The following ITGA8 variants were observed in gnomAD, a reference collection of about 807,000 sequenced individuals.
ITGA8 encodes the protein integrin alpha-8.
ITGA8 carries 91 observed loss-of-function variants against 142.3 expected under a neutral mutation model. That is an observed-to-expected ratio of 0.64 (90% CI 0.54 to 0.76). The LOEUF is 0.76. Among genes scored for constraint, ITGA8 ranks in the 30% least tolerant of loss-of-function variants. ITGA8 has a pLI of 0.00. For missense variants in ITGA8, 1,406 were observed against 1,327.7 expected (o/e 1.06, Z -0.92); for synonymous variants, 505 against 485.2 (o/e 1.04, Z -0.54).
At chr10:15,582,310 T>C (rs1341950534) in intron 23 of ITGA8, among the ~76,000 whole-genome samples, 1 of 152,196 alleles carries the variant, frequency 6.6e-6, no homozygotes, top group African/African-American at 2.4e-5. Flanking sequence ...CTTATAATTA[T>C]AGATCCAAGT....
chr10:15,535,016 G>A (rs1031865542), intron 27 of ITGA8, among the ~76,000 whole-genome samples: 2 of 152,204 alleles, frequency 1.3e-5, no homozygotes, highest in Non-Finnish European at 2.9e-5. Flanking sequence ...GGCTGCGTGC[G>A]GTGCTTGCGG....
At chr10:15,704,840 T>C (rs938478196) in intron 2 of ITGA8, among the ~76,000 whole-genome samples, 5 of 152,240 alleles carry the variant, frequency 3.3e-5, no homozygotes, top group African/African-American at 1.2e-4. Context: ...CGATGAAGGC[T>C]GTATAAATTT....
intron 12 of ITGA8, 39 bp downstream of exon 12, chr10:15,646,807 A>G (rs973313150): frequency 1.7e-5 from 25 of 1,501,696 alleles, no homozygotes; most frequent in Non-Finnish European, 2.3e-5. Flanking sequence ...TGCAGTGGTG[A>G]CGACACATAA....
chr10:15,539,906 T>A (rs2131550609), intron 27 of ITGA8, among the ~76,000 whole-genome samples: 1 of 152,232 alleles, frequency 6.6e-6, no homozygotes, highest in Non-Finnish European at 1.5e-5. Context: ...CACAGGGTGA[T>A]TTCTCCCCTA....
In ITGA8 at chr10:15,684,082, C is replaced by T. The variant is rs368735214; in HGVS notation, c.490G>A (p.Glu164Lys). 1.6e-5 allele frequency: 26 copies of T among 1,614,114 alleles called. No homozygotes were observed. Among genetic ancestry groups the T allele is most frequent in the Middle Eastern group, 1.6e-4 (1 of 6,062 alleles). ...TAGCAGGTGCCAACTGGGTCCTTTTCTGGTGTCGGTTTAAGAGTTCTCCAG... is the reference window on the plus strand; with the variant it reads ...TAGCAGGTGCCAACTGGGTCCTTTTTTGGTGTCGGTTTAAGAGTTCTCCAG... The part of the protein sequence containing the change: ...YHWRTLKPTP[E>K]KDPVGTCYVA... The change falls in exon 4 of 30, where the codon GAA becomes AAA. Residue 164 changes from glutamate to lysine, a missense_variant. Glu to Lys is a moderately conservative substitution (Grantham distance 56). Coordinates refer to ENST00000378076, the MANE Select transcript of ITGA8 (RefSeq NM_003638.3).
At chr10:15,637,899 G>A (rs530433805) in intron 13 of ITGA8, among the ~76,000 whole-genome samples, 1 of 151,656 alleles carries the variant, frequency 6.6e-6, no homozygotes, top group South Asian at 2.1e-4. Flanking sequence ...TACATATATA[G>A]TACATATAAA....
At chr10:15,657,956 C>T (rs890063805) in intron 10 of ITGA8, among the ~76,000 whole-genome samples, 2 of 152,102 alleles carry the variant, frequency 1.3e-5, no homozygotes, top group African/African-American at 2.4e-5. Flanking sequence ...CATAAGCACA[C>T]GTATTCGCAT....
chr10:15,536,102 T>C (rs1468774181), intron 27 of ITGA8, among the ~76,000 whole-genome samples: 3 of 152,126 alleles, frequency 2.0e-5, no homozygotes, highest in South Asian at 2.1e-4. Flanking sequence ...CTGGACACGC[T>C]GCCTTTAAGA....
At chr10:15,648,220 C>T (rs551437858) in intron 11 of ITGA8, among the ~76,000 whole-genome samples, 9 of 152,070 alleles carry the variant, frequency 5.9e-5, no homozygotes, top group Non-Finnish European at 1.0e-4. Flanking sequence ...AAATTAATGG[C>T]CTCTATTAAA....
At chr10:15,668,483 T>A (rs2131681315) in intron 8 of ITGA8, among the ~76,000 whole-genome samples, 1 of 150,690 alleles carries the variant, frequency 6.6e-6, no homozygotes, top group Non-Finnish European at 1.5e-5. Context: ...GATTTGCCAG[T>A]CTGTGTCTTT....
intron 2 of ITGA8, among the ~76,000 whole-genome samples, chr10:15,699,169 A>G (rs940970630): frequency 6.6e-6 from 1 of 152,206 alleles, no homozygotes; most frequent in Non-Finnish European, 1.5e-5. Context: ...CTGTAGTCTC[A>G]GCTACTCAGG....
chr10:15,572,159 TC>T (rs1405376802), intron 25 of ITGA8, 51 bp downstream of exon 25: 4 of 1,447,084 alleles, frequency 2.8e-6, no homozygotes, highest in Non-Finnish European at 3.7e-6. Context: ...TGTATTTTTT[TC>T]ATACCATAAA....
chr10:15,658,333 T>C (rs1187190162), intron 10 of ITGA8, among the ~76,000 whole-genome samples: 1 of 152,142 alleles, frequency 6.6e-6, no homozygotes, highest in African/African-American at 2.4e-5. Context: ...TTCAGGCCTT[T>C]ATAGACTATT....
intron 8 of ITGA8, among the ~76,000 whole-genome samples, chr10:15,670,567 T>C (rs1430794013): frequency 6.6e-6 from 1 of 152,132 alleles, no homozygotes; most frequent in African/African-American, 2.4e-5. Context: ...TACATAACAA[T>C]ACATAGACCT....
intron 8 of ITGA8, among the ~76,000 whole-genome samples, chr10:15,666,684 A>G (rs910741698): frequency 2.0e-5 from 3 of 152,048 alleles, no homozygotes; most frequent in Admixed American, 6.6e-5. Context: ...TTATTTTGAG[A>G]TATGTCCCAT....
chr10:15,695,816 A>G (rs1835040016), intron 2 of ITGA8, among the ~76,000 whole-genome samples: 1 of 152,212 alleles, frequency 6.6e-6, no homozygotes. Flanking sequence ...GCATGTGGAC[A>G]TCAGCGGTGA....
intron 13 of ITGA8, among the ~76,000 whole-genome samples, chr10:15,637,590 T>C (rs1833794985): frequency 6.6e-6 from 1 of 151,288 alleles, no homozygotes; most frequent in Admixed American, 6.6e-5. Flanking sequence ...TAGCTCACTA[T>C]AGCCTAGACT....
At position 15,531,901 on chromosome 10, in the gene ITGA8, C is replaced by T. The variant is rs553068674; in HGVS notation, c.2881-750G>A. 9.1e-4 allele frequency among the ~76,000 whole-genome samples: 138 copies of T among 151,986 alleles called. 2 individuals carry two copies. The highest frequency in any genetic ancestry group is 3.3e-3 in the African/African-American group (135 of 41,450). On this transcript the variant is annotated intron_variant, in intron 27 of 29. Coordinates refer to ENST00000378076, the MANE Select transcript of ITGA8 (RefSeq NM_003638.3). ...CGCAGGTTGCAGTGAGCTGAGAGCA[C>T]GCCACTGCGCTCCGACCTGGGCAAC... is the stretch of plus-strand genomic sequence containing the variant.
At chr10:15,670,758 C>A (rs1564401552) in intron 8 of ITGA8, among the ~76,000 whole-genome samples, 3 of 152,110 alleles carry the variant, frequency 2.0e-5, no homozygotes, top group Non-Finnish European at 1.5e-5. Context: ...GTCTTCTCCC[C>A]TGCACGTTGA....
Sources: gnomAD v4.1 joint callset for allele counts (sites outside exome capture counted in the v4.1 genomes callset) on GRCh38, gnomAD v4.1.1 for gene constraint, MANE v1.5 for transcripts, NCBI Gene and HGNC (gene_info 2026-07-23, HGNC 2026-07-21) for gene names.